FAM20A: variants seen among roughly 807,000 people sequenced by gnomAD.
FAM20A encodes FAM20A golgi associated secretory pathway pseudokinase, also known as pseudokinase FAM20A.
Under a neutral mutation model 52.0 loss-of-function variants are expected in FAM20A, and 42 were observed. The ratio of observed to expected loss-of-function variants is 0.81; its 90% CI spans 0.63 to 1.04. The LOEUF is 1.04. Among genes scored for constraint, FAM20A ranks in the 50% least tolerant of loss-of-function variants. FAM20A has a pLI of 0.00. For missense variants in FAM20A, 742 were observed against 712.7 expected (o/e 1.04, Z -0.47); for synonymous variants, 304 against 298.9 (o/e 1.02, Z -0.18).
In FAM20A at chr17:68,537,530, C is replaced by T. The variant is rs747920001; in HGVS notation, c.1573G>A (p.Gly525Ser). The T allele has an allele frequency of 4.5e-5, 72 of 1,613,708 alleles. No individual in the cohort carries two copies. The highest frequency in any genetic ancestry group is 5.0e-5 in the Admixed American group (3 of 59,976). ...TCTGGGGCCAACTGTTCCACTGGGC[C>T]GTCGACTATGACACTCTGCTGTCCA... ...AHGQQSVIVD[G>S]PVEQLAPDSG... Residue 525 changes from glycine (G) to serine (S), a missense_variant, in exon 11 of 11, where the codon GGC becomes AGC. Gly to Ser is a moderately conservative substitution (Grantham distance 56, BLOSUM62 0). Coordinates refer to ENST00000592554, the MANE Select transcript of FAM20A (RefSeq NM_017565.4). The surrounding 1 kb of genome is among the most constrained non-coding windows in gnomAD (Gnocchi z 4.2).
At chr17:68,554,954 A>T in intron 2 of FAM20A, 127 bp from the exon 3 acceptor site, 3 of 948,062 alleles carry the variant, frequency 3.2e-6, no homozygotes, top group Non-Finnish European at 3.4e-6. Context: ...GGGGCCCTTG[A>T]CCACTCCGTG....
intron 1 of FAM20A, among the ~76,000 whole-genome samples, chr17:68,588,347 G>T (rs910864188): frequency 6.6e-6 from 1 of 152,338 alleles, no homozygotes; most frequent in African/African-American, 2.4e-5. Context: ...GGAGGAAAAA[G>T]AAAATTTCAG....
chr17:68,561,769 C>G (rs951918607), intron 1 of FAM20A, among the ~76,000 whole-genome samples: 1 of 152,018 alleles, frequency 6.6e-6, no homozygotes, highest in Admixed American at 6.6e-5. Context: ...GTGTAGTTGG[C>G]ACATCGTTCT....
At chr17:68,595,456 T>A (rs2088427160) in intron 1 of FAM20A, among the ~76,000 whole-genome samples, 1 of 152,190 alleles carries the variant, frequency 6.6e-6, no homozygotes, top group Admixed American at 6.5e-5. Flanking sequence ...AGAGGTTTCC[T>A]CCAACTACAA....
Position 68,542,158 on chromosome 17 carries a change from GT to G in FAM20A, c.935del (p.Asn312ThrfsTer70), listed in dbSNP as rs1568723178. The G allele has an allele frequency of 3.1e-6, 5 of 1,613,914 alleles. No homozygotes were observed. Among genetic ancestry groups the G allele is most frequent in the Non-Finnish European group, 4.2e-6 (5 of 1,179,992 alleles). ...QSVFFVSPAS[N>X]VCFFAKCPYM... The stretch of plus-strand genomic sequence containing the variant: ...ATGGACACTTGGCGAAGAAGCACAC[GT>G]TGCTCGCTGGAGGATGGGGAGGAGA... On this transcript the variant is annotated frameshift_variant, in exon 7 of 11. Transcript: ENST00000592554. LOFTEE classifies it high-confidence loss of function.
Position 68,536,570 on chromosome 17 carries a change from GC to G in FAM20A, c.*906del, listed in dbSNP as rs763641579. 3.3e-5 allele frequency: 15 copies of G among 453,712 alleles called. No individual in the cohort carries two copies. Among genetic ancestry groups the G allele is most frequent in the Non-Finnish European group, 5.7e-5 (13 of 226,712 alleles). 28.1% of individuals were successfully genotyped at this position (453,712 alleles called of 1,614,324 possible). A position where few individuals can be genotyped will look rare whatever the true frequency, so the allele number is the denominator to read the frequency against. ...CTAGAGGGCCTCACCTTTCCACATA[GC>G]CCCTTTCTTCTTTTGGGGATGGGCC... is the stretch of plus-strand genomic sequence containing the variant. On this transcript the variant is annotated 3_prime_UTR_variant, in exon 11 of 11. Coordinates refer to ENST00000592554, the MANE Select transcript of FAM20A (RefSeq NM_017565.4).
At chr17:68,539,611 G>A (rs1424098503) in intron 9 of FAM20A, among the ~76,000 whole-genome samples, 2 of 152,234 alleles carry the variant, frequency 1.3e-5, no homozygotes, top group African/African-American at 4.8e-5. Context: ...TTCACTAGCT[G>A]CAGAGGGCCA....
intron 5 of FAM20A, 24 bp downstream of exon 5, chr17:68,543,605 C>T (rs761798769): frequency 1.2e-6 from 2 of 1,607,910 alleles, no homozygotes; most frequent in Non-Finnish European, 8.5e-7. Flanking sequence ...TAGGCAATGC[C>T]ATCTCCATGG....
In FAM20A at chr17:68,600,452, G is replaced by C; in HGVS notation, c.215C>G (p.Ser72Cys). Residue 72 changes from serine to cysteine, a missense_variant, in exon 1 of 11, where the codon TCC becomes TGC. Ser to Cys is a moderately radical substitution (Grantham distance 112). Coordinates refer to ENST00000592554, the MANE Select transcript of FAM20A (RefSeq NM_017565.4). The surrounding 1 kb of genome is among the most constrained non-coding windows in gnomAD (Gnocchi z 6.2). ...SDPGTIVHNFSRTEPRTEPAG... is the reference protein window; with the variant it reads ...SDPGTIVHNFCRTEPRTEPAG... ...CGGTTCAGTCCGGGGCTCGGTTCGG[G>C]AAAAGTTGTGCACGATCGTGCCGGG... The C allele has an allele frequency of 6.2e-7, 1 of 1,610,884 alleles. No individual in the cohort carries two copies. The highest frequency in any genetic ancestry group is 8.5e-7 in the Non-Finnish European group (1 of 1,178,822).
intron 1 of FAM20A, among the ~76,000 whole-genome samples, chr17:68,580,364 TC>T (rs1157039723): frequency 6.6e-6 from 1 of 152,230 alleles, no homozygotes; most frequent in Non-Finnish European, 1.5e-5. Flanking sequence ...TGGGCTGGTT[TC>T]CCGAAATGGG....
At position 68,542,004 on chromosome 17, in the gene FAM20A, T is replaced by C; in HGVS notation, c.1090A>G (p.Thr364Ala). Residue 364 changes from threonine to alanine, a missense_variant, in exon 7 of 11, where the codon ACA (threonine) becomes GCA (alanine). Transcript: ENST00000592554. Reference protein sequence around the residue: ...SVPNPWIRSYTLAGKEEWEVN... With the variant: ...SVPNPWIRSYALAGKEEWEVN... ...ACTCACTCCTCTTTTCCTGCCAGTG[T>C]GTAGGAGCGGATCCAGGGGTTGGGC... 1 of 1,613,852 alleles carries C rather than the reference T, an allele frequency of 6.2e-7. No individual in the cohort carries two copies. Among genetic ancestry groups the C allele is most frequent in the Non-Finnish European group, 8.5e-7 (1 of 1,179,876 alleles).
chr17:68,591,402 A>G (rs2088304747), intron 1 of FAM20A, among the ~76,000 whole-genome samples: 1 of 152,184 alleles, frequency 6.6e-6, no homozygotes, highest in African/African-American at 2.4e-5. Flanking sequence ...CCCGGCCCCA[A>G]GGACTCTTTT....
At chr17:68,559,085 G>A (rs1244592680) in intron 1 of FAM20A, among the ~76,000 whole-genome samples, 5 of 152,142 alleles carry the variant, frequency 3.3e-5, no homozygotes, top group South Asian at 2.1e-4. Flanking sequence ...AACGCAAAAC[G>A]GCCTGAAACA....
intron 6 of FAM20A, 62 bp downstream of exon 6, chr17:68,542,632 G>C (rs925326410): frequency 8.1e-7 from 1 of 1,239,284 alleles, no homozygotes; most frequent in Non-Finnish European, 1.2e-6. Context: ...ATGAATGGAG[G>C]GGTGGACACT....
intron 1 of FAM20A, among the ~76,000 whole-genome samples, chr17:68,575,605 A>T (rs1310453823): frequency 1.8e-5 from 2 of 109,886 alleles, no homozygotes; most frequent in Admixed American, 1.3e-4. Flanking sequence ...ATTATATATA[A>T]TATATTCTAT....
chr17:68,535,665 A>C lies in FAM20A; in HGVS notation c.*1812T>G, dbSNP rs909099089. On this transcript the variant is annotated 3_prime_UTR_variant, in exon 11 of 11. Transcript: ENST00000592554. ...TCTCTGTTAAAGAGTTGATTTAAAA[A>C]AAAATTTTTTTTTTTTTGTATTTTT... 2.2e-5 allele frequency: 10 copies of C among 448,622 alleles called. No individual in the cohort carries two copies. The highest frequency in any genetic ancestry group is 2.0e-4 in the African/African-American group (10 of 49,422). 27.8% of individuals were successfully genotyped at this position (448,622 alleles called of 1,614,324 possible).
rs2086367729 is a variant in FAM20A, at chr17:68,542,802, C to T, written c.820G>A (p.Asp274Asn). The change falls in exon 6 of 11, where the codon GAC becomes AAC. Residue 274 changes from aspartate to asparagine, a missense_variant. By Grantham distance (23) the Asp-to-Asn change is conservative. Coordinates refer to ENST00000592554, the MANE Select transcript of FAM20A (RefSeq NM_017565.4). The stretch of plus-strand genomic sequence containing the variant: ...ACTGTTGGCGGCACCCGTCGGAAGT[C>T]CAGAATCCTGCAAGAGAGGAAGCTC... ...IAAFHLDRIL[D>N]FRRVPPTVGR... The T allele has an allele frequency of 1.2e-6, 2 of 1,613,158 alleles. No homozygotes were observed. The highest frequency in any genetic ancestry group is 1.7e-6 in the Non-Finnish European group (2 of 1,179,148).
rs1408632774 is a variant in FAM20A at position 68,600,365 on chromosome 17, T to G, written c.302A>C (p.Tyr101Ser). Residue 101 changes from tyrosine (Y) to serine (S), a missense_variant, in exon 1 of 11, where the codon TAC (tyrosine) becomes TCC (serine). Coordinates refer to ENST00000592554, the MANE Select transcript of FAM20A (RefSeq NM_017565.4). The surrounding 1 kb of genome is among the most constrained non-coding windows in gnomAD (Gnocchi z 6.2). ...GAGAGGCGGCTCCTCCGGGACGTTG[T>G]ACAGCGGGTGGGCGAAGAGGGCCTG... The part of the protein sequence containing the change: ...KLQALFAHPL[Y>S]NVPEEPPLLG... 3.1e-6 allele frequency: 5 copies of G among 1,604,050 alleles called. No homozygotes were observed. The highest frequency in any genetic ancestry group is 4.3e-6 in the Non-Finnish European group (5 of 1,176,274).
At chr17:68,581,488 TTTTC>T (rs1286287825) in intron 1 of FAM20A, among the ~76,000 whole-genome samples, 1 of 119,736 alleles carries the variant, frequency 8.4e-6, no homozygotes, top group African/African-American at 2.8e-5. Context: ...CTTTCTTTCT[TTTTC>T]TTTCTTTCTT....
Sources: allele counts gnomAD v4.1 joint callset (sites outside exome capture counted in the v4.1 genomes callset), GRCh38; gene constraint gnomAD v4.1.1; non-coding constraint Gnocchi (gnomAD v3.1); transcripts MANE v1.5; gene names NCBI Gene and HGNC (gene_info 2026-07-23, HGNC 2026-07-21).